The following IL31RA variants were observed in gnomAD, a reference collection of about 807,000 sequenced individuals.
The protein encoded by IL31RA is interleukin 31 receptor A, also known as interleukin-31 receptor subunit alpha.
In IL31RA, 66 loss-of-function variants were observed where a neutral mutation model predicts 83.7. That is an observed-to-expected ratio of 0.79 (90% CI 0.65 to 0.97). The LOEUF is 0.97. Ranked by LOEUF, IL31RA falls within the 50% of genes least tolerant of loss-of-function variation. The pLI, the probability that IL31RA is intolerant of heterozygous loss-of-function variation, is 0.00. For missense variants in IL31RA, 798 were observed against 919.4 expected (o/e 0.87, Z 1.71); for synonymous variants, 325 against 329.0 (o/e 0.99, Z 0.13).
At chr5:55,841,940 T>TAA in the IL31RA span, among the ~76,000 whole-genome samples, 5 of 145,964 alleles carry the variant, frequency 3.4e-5, no homozygotes, top group African/African-American at 7.6e-5. Flanking sequence ...TGTTTTTCTT[T>TAA]AAAAAAAAAA....
intron 4 of IL31RA, among the ~76,000 whole-genome samples, chr5:55,877,125 T>C (rs1746901664): frequency 6.6e-6 from 1 of 152,200 alleles, no homozygotes; most frequent in African/African-American, 2.4e-5. Context: ...TGGTGTATTT[T>C]CTATAGATAC....
chr5:55,881,258 C>T (rs1747196777), intron 4 of IL31RA, among the ~76,000 whole-genome samples: 1 of 150,618 alleles, frequency 6.6e-6, no homozygotes, highest in Non-Finnish European at 1.5e-5. Flanking sequence ...GCCGAGATCG[C>T]GCCACTGCAC....
intron 6 of IL31RA, among the ~76,000 whole-genome samples, chr5:55,891,761 A>AT (rs35672011): frequency 0.12 from 7,251 of 58,912 alleles, 1,927 homozygotes; most frequent in East Asian, 0.24. Context: ...TTTGGACAAG[A>AT]TTTTTTTTTT....
chr5:55,864,721 C>T (rs1745925814), intron 2 of IL31RA, among the ~76,000 whole-genome samples: 1 of 149,936 alleles, frequency 6.7e-6, no homozygotes, highest in Non-Finnish European at 1.5e-5. Flanking sequence ...CACACATACA[C>T]CACACATACC....
chr5:55,871,284 G>A (rs928862807), intron 3 of IL31RA, among the ~76,000 whole-genome samples: 6 of 152,186 alleles, frequency 3.9e-5, no homozygotes, highest in Admixed American at 1.3e-4. Flanking sequence ...CACTCTTGAG[G>A]TCCTTTCTAG....
chr5:55,844,612 A>T, the IL31RA span, among the ~76,000 whole-genome samples: 1 of 152,030 alleles, frequency 6.6e-6, no homozygotes, highest in Non-Finnish European at 1.5e-5. Flanking sequence ...AATTTATCTC[A>T]CTTGGTGTTC....
At chr5:55,896,619 CT>C (rs1297409121) in intron 7 of IL31RA, among the ~76,000 whole-genome samples, 190 bp downstream of exon 7, 5 of 40,004 alleles carry the variant, frequency 1.2e-4, no homozygotes, top group African/African-American at 5.5e-4. Flanking sequence ...CACCTTCCCC[CT>C]GCCCACTCCC....
chr5:55,882,884 T>TA (rs1747328825), intron 4 of IL31RA, among the ~76,000 whole-genome samples, 160 bp from the exon 5 acceptor site: 1 of 151,952 alleles, frequency 6.6e-6, no homozygotes, highest in African/African-American at 2.4e-5. Flanking sequence ...GTGTTGGGGT[T>TA]GGGGGGGTGA....
the IL31RA span, among the ~76,000 whole-genome samples, chr5:55,840,709 T>C: frequency 1.3e-5 from 2 of 152,250 alleles, no homozygotes; most frequent in Non-Finnish European, 2.9e-5. Context: ...ATTCTGCTGG[T>C]GTACATCTGT....
At chr5:55,853,180 T>A (rs1745158751) in intron 1 of IL31RA, 2 of 281,562 alleles carry the variant, frequency 7.1e-6, no homozygotes, top group South Asian at 2.6e-4. Flanking sequence ...ATACTCTCAC[T>A]GTTTCAGCTA....
intron 14 of IL31RA, 47 bp from the exon 15 acceptor site, chr5:55,916,597 A>T: frequency 6.5e-7 from 1 of 1,530,892 alleles, no homozygotes. Context: ...GCTATGTCAT[A>T]TGTGACTCCT....
intron 8 of IL31RA, among the ~76,000 whole-genome samples, chr5:55,902,726 T>G (rs1014421913): frequency 2.0e-5 from 3 of 152,172 alleles, no homozygotes; most frequent in Non-Finnish European, 4.4e-5. Flanking sequence ...TAGAGAATAA[T>G]AAGATAATTT....
Position 55,859,572 on chromosome 5 carries a change from C to T in IL31RA, c.127C>T (p.Pro43Ser). The change falls in exon 2 of 15, where the codon CCC becomes TCC. Residue 43 changes from proline to serine, a missense_variant. Physicochemically the swap from Pro to Ser is moderately conservative, Grantham distance 74 (BLOSUM62 -1). Coordinates refer to ENST00000652347, the MANE Select transcript of IL31RA (RefSeq NM_139017.7). ...GTGGACCTGGGCACTGTGGATGCTC[C>T]CCTCACTCTGCAAATTCAGCCTGGC... ...MMWTWALWML[P>S]SLCKFSLAAL... The T allele has an allele frequency of 1.2e-6, 2 of 1,612,652 alleles. No individual in the cohort carries two copies. Among genetic ancestry groups the T allele is most frequent in the African/African-American group, 1.3e-5 (1 of 74,968 alleles).
At position 55,910,589 on chromosome 5, in the gene IL31RA, C is replaced by T; in HGVS notation, c.1559C>T (p.Thr520Ile). The stretch of plus-strand genomic sequence containing the variant: ...GGCCTGGAGTCCCTGAAACGAAAGA[C>T]CTCTTACATTGTTCAGGTCATGGCC... ...QYGLESLKRK[T>I]SYIVQVMAST... The change falls in exon 12 of 15, where the codon ACC becomes ATC. Residue 520 changes from threonine (T) to isoleucine (I), a missense_variant. Thr to Ile is a moderately conservative substitution (Grantham distance 89). Coordinates refer to ENST00000652347, the MANE Select transcript of IL31RA (RefSeq NM_139017.7). The T allele has an allele frequency of 6.2e-7, 1 of 1,614,074 alleles. No individual in the cohort carries two copies. The highest frequency in any genetic ancestry group is 8.5e-7 in the Non-Finnish European group (1 of 1,179,948).
At chr5:55,887,475 C>T (rs1747685088) in intron 5 of IL31RA, among the ~76,000 whole-genome samples, 1 of 152,332 alleles carries the variant, frequency 6.6e-6, no homozygotes, top group South Asian at 2.1e-4. Flanking sequence ...TGCAGTGGCT[C>T]ACGCCTGTAA....
chr5:55,853,370 T>G, intron 1 of IL31RA: 1 of 1,332,060 alleles, frequency 7.5e-7, no homozygotes, highest in African/African-American at 1.5e-5. Flanking sequence ...AAGTGCCACT[T>G]TGACTTGGGC....
chr5:55,865,845 G>C (rs1477610228), intron 2 of IL31RA, among the ~76,000 whole-genome samples: 1 of 152,102 alleles, frequency 6.6e-6, no homozygotes, highest in African/African-American at 2.4e-5. Flanking sequence ...TTCCTGCCTT[G>C]CCCTCTGCTC....
chr5:55,895,932 AT>A (rs1748306847), intron 6 of IL31RA, among the ~76,000 whole-genome samples: 1 of 151,950 alleles, frequency 6.6e-6, no homozygotes, highest in Non-Finnish European at 1.5e-5. Flanking sequence ...ATGTGGTTTT[AT>A]TTTTTTGGAA....
rs559869489 is a variant in IL31RA, at chr5:55,891,806, C to T, written c.772+1671C>T. Among the ~76,000 whole-genome samples, 17 of 97,128 alleles carry T rather than the reference C, an allele frequency of 1.8e-4. 1 individual carries two copies. The East Asian group carries it at 4.7e-3, about 27-fold the overall frequency. 63.7% of individuals were successfully genotyped at this position (97,128 alleles called of 152,430 possible). A position where few individuals can be genotyped will look rare whatever the true frequency, so the allele number is the denominator to read the frequency against. On this transcript the variant is annotated intron_variant, in intron 6 of 14. Transcript: ENST00000652347. The stretch of plus-strand genomic sequence containing the variant: ...TTTTTTTTTTTTTGAGATGGAGTCT[C>T]GCTTTGTCGCCCAGGCTGGAGTGCA...
Sources: allele counts gnomAD v4.1 joint callset (sites outside exome capture counted in the v4.1 genomes callset), GRCh38; gene constraint gnomAD v4.1.1; transcripts MANE v1.5; gene names NCBI Gene and HGNC (gene_info 2026-07-23, HGNC 2026-07-21).